NECTIN3: variants seen among roughly 807,000 people sequenced by gnomAD.
The protein encoded by NECTIN3 is nectin-3.
In NECTIN3, 8 loss-of-function variants were observed where a neutral mutation model predicts 49.4. That is an observed-to-expected ratio of 0.16 (90% CI 0.10 to 0.29). The LOEUF is 0.29. NECTIN3 is among the 10% of genes least tolerant of loss of function. The pLI, the probability that NECTIN3 is intolerant of heterozygous loss-of-function variation, is 1.00. For missense variants in NECTIN3, 581 were observed against 654.6 expected (o/e 0.89, Z 1.23); for synonymous variants, 277 against 241.1 (o/e 1.15, Z -1.38).
At chr3:111,156,429 C>T (rs1219987858) in intron 7 of NECTIN3, among the ~76,000 whole-genome samples, 4 of 151,850 alleles carry the variant, frequency 2.6e-5, no homozygotes, top group African/African-American at 9.7e-5. Flanking sequence ...CTTTAAAATG[C>T]TACAGTTTTC....
chr3:111,134,635 C>T lies in NECTIN3; in HGVS notation c.*420C>T, dbSNP rs1208854140. 2.5e-5 allele frequency: 22 copies of T among 880,384 alleles called. No individual in the cohort carries two copies. Among genetic ancestry groups the T allele is most frequent in the Non-Finnish European group, 3.0e-5 (22 of 734,682 alleles). 54.5% of individuals were successfully genotyped at this position (880,384 alleles called of 1,614,324 possible). A position where few individuals can be genotyped will look rare whatever the true frequency, so the allele number is the denominator to read the frequency against. ...ATATACCTCTCAAAATTTATCACCACTCAATGACACTGCATCAAAATTGAC... is the reference window on the plus strand; with the variant it reads ...ATATACCTCTCAAAATTTATCACCATTCAATGACACTGCATCAAAATTGAC... On this transcript the variant is annotated 3_prime_UTR_variant, in exon 6 of 6. Coordinates refer to ENST00000485303, the MANE Select transcript of NECTIN3 (RefSeq NM_015480.3).
Position 111,086,892 on chromosome 3 carries a change from A to G in NECTIN3, c.160+14715A>G, listed in dbSNP as rs138677214. Among the ~76,000 whole-genome samples, 47 of 152,258 alleles carry G rather than the reference A, an allele frequency of 3.1e-4. 1 individual carries two copies. The East Asian group carries it at 6.6e-3, about 21-fold the overall frequency. On this transcript the variant is annotated intron_variant, in intron 1 of 5. Coordinates refer to ENST00000485303, the MANE Select transcript of NECTIN3 (RefSeq NM_015480.3). ...ATCTATTTATTGAGGTTTTCCTTAA[A>G]TAAAATCTTCTGGTTTGTTCTGTGT...
chr3:111,086,369 C>T (rs1050432014), intron 1 of NECTIN3, among the ~76,000 whole-genome samples: 1 of 151,980 alleles, frequency 6.6e-6, no homozygotes, highest in Non-Finnish European at 1.5e-5. Flanking sequence ...TCTAGTACAC[C>T]ATCATGAAAT....
chr3:111,158,057 T>C (rs1347499038), intron 7 of NECTIN3, among the ~76,000 whole-genome samples: 2 of 152,010 alleles, frequency 1.3e-5, no homozygotes, highest in Non-Finnish European at 2.9e-5. Context: ...TACTTCAAAT[T>C]TTTTTTGCTT....
chr3:111,109,681 C>G (rs1374297620), intron 1 of NECTIN3, among the ~76,000 whole-genome samples: 1 of 151,876 alleles, frequency 6.6e-6, no homozygotes. Context: ...TGTTTGTGTA[C>G]TTTCAATTAT....
chr3:111,147,169 T>C (rs1196679677), intron 6 of NECTIN3, among the ~76,000 whole-genome samples: 1 of 152,204 alleles, frequency 6.6e-6, no homozygotes, highest in African/African-American at 2.4e-5. Context: ...ATTCCTTCTT[T>C]AAATGTGATT....
chr3:111,113,533 C>CT (rs2033561623), intron 2 of NECTIN3, among the ~76,000 whole-genome samples: 1 of 152,104 alleles, frequency 6.6e-6, no homozygotes, highest in African/African-American at 2.4e-5. Flanking sequence ...GAGAGATATT[C>CT]TTTTAATTAG....
chr3:111,162,056 C>T (rs2035223023), intron 7 of NECTIN3, among the ~76,000 whole-genome samples: 1 of 152,120 alleles, frequency 6.6e-6, no homozygotes, highest in Admixed American at 6.5e-5. Flanking sequence ...ATTCTGATCC[C>T]AACCCCTTAG....
intron 1 of NECTIN3, chr3:111,193,320 CAT>C: frequency 6.5e-7 from 1 of 1,534,124 alleles, no homozygotes. Context: ...CCCTGGCAAA[CAT>C]CATCAAAATA....
intron 4 of NECTIN3, among the ~76,000 whole-genome samples, chr3:111,122,681 C>CTAAG (rs969040570): frequency 6.6e-6 from 1 of 152,102 alleles, no homozygotes; most frequent in African/African-American, 2.4e-5. Context: ...TTACTAAGAG[C>CTAAG]TAAGTAGTAG....
chr3:111,072,413 C>G lies in NECTIN3; in HGVS notation c.160+236C>G, dbSNP rs1340567021. The G allele has an allele frequency of 2.0e-6, 3 of 1,524,278 alleles. No individual in the cohort carries two copies. In the South Asian group the frequency reaches 3.6e-5, roughly 18 times the overall value. The allele number at this position is 1,524,278 out of a possible 1,614,324, so 94.4% of individuals were successfully genotyped here. A position where few individuals can be genotyped will look rare whatever the true frequency, so the allele number is the denominator to read the frequency against. ...CCTCCCCCGCGGCCGCGCGGGTCGC[C>G]GTGCGGATGGCCGAGGGTTGGCGAT... On this transcript the variant is annotated intron_variant, in intron 1 of 5. Coordinates refer to ENST00000485303, the MANE Select transcript of NECTIN3 (RefSeq NM_015480.3).
chr3:111,134,668 C>G lies in NECTIN3; in HGVS notation c.*453C>G, dbSNP rs2034515683. 1 of 856,278 alleles carries G rather than the reference C, an allele frequency of 1.2e-6. No individual in the cohort carries two copies. The highest frequency in any genetic ancestry group is 1.8e-5 in the African/African-American group (1 of 54,392). The allele number at this position is 856,278 out of a possible 1,614,324, so 53.0% of individuals were successfully genotyped here. Reference sequence around the variant, plus strand: ...CACTGCATCAAAATTGACTATAAAACTAATTCAAGAAATATTTATATATAT... The same window carrying G: ...CACTGCATCAAAATTGACTATAAAAGTAATTCAAGAAATATTTATATATAT... On this transcript the variant is annotated 3_prime_UTR_variant, in exon 6 of 6. Transcript: ENST00000485303.
intron 1 of NECTIN3, among the ~76,000 whole-genome samples, chr3:111,110,672 G>A (rs1010661213): frequency 6.6e-6 from 1 of 151,914 alleles, no homozygotes; most frequent in East Asian, 1.9e-4. Flanking sequence ...GTAATTATCT[G>A]TACTCTAGGA....
intron 1 of NECTIN3, among the ~76,000 whole-genome samples, chr3:111,106,206 C>T (rs376655056): frequency 6.6e-6 from 1 of 152,092 alleles, no homozygotes; most frequent in African/African-American, 2.4e-5. Context: ...TTGTCTGTTT[C>T]CTCATTAAAA....
chr3:111,089,406 CGTGT>C (rs139575444), intron 1 of NECTIN3, among the ~76,000 whole-genome samples: 1,932 of 147,072 alleles, frequency 0.013, 34 homozygotes, highest in African/African-American at 0.039. Context: ...CAGCCTTTCT[CGTGT>C]GTGTGTGTGT....
intron 3 of NECTIN3, among the ~76,000 whole-genome samples, chr3:111,121,085 C>A (rs1257971479): frequency 6.7e-6 from 1 of 148,816 alleles, no homozygotes; most frequent in African/African-American, 2.5e-5. Flanking sequence ...TCACTGCAAG[C>A]TCCGCCTCCC....
chr3:111,190,564 G>A (rs560664522), upstream of NECTIN3, among the ~76,000 whole-genome samples: 16 of 152,262 alleles, frequency 1.1e-4, no homozygotes, highest in East Asian at 1.9e-3. Context: ...TCTGGCGAGG[G>A]CCTTATTCCT....
chr3:111,087,179 G>A (rs568799403), intron 1 of NECTIN3, among the ~76,000 whole-genome samples: 1 of 152,076 alleles, frequency 6.6e-6, no homozygotes, highest in East Asian at 1.9e-4. Context: ...CTATGATGAA[G>A]GCCTGTTTCT....
upstream of NECTIN3, among the ~76,000 whole-genome samples, chr3:111,187,446 G>A (rs1369693349): frequency 6.6e-6 from 1 of 152,048 alleles, no homozygotes; most frequent in African/African-American, 2.4e-5. Flanking sequence ...GTATAACCTA[G>A]CAAATCACAC....
Sources: gnomAD v4.1 joint callset for allele counts (sites outside exome capture counted in the v4.1 genomes callset) on GRCh38, gnomAD v4.1.1 for gene constraint, MANE v1.5 for transcripts, NCBI Gene and HGNC (gene_info 2026-07-23, HGNC 2026-07-21) for gene names.